CHEK2: variants seen among roughly 807,000 people sequenced by gnomAD.
CHEK2 encodes checkpoint kinase 2, also known as serine/threonine-protein kinase Chk2.
A neutral mutation model predicts 69.1 loss-of-function variants in CHEK2; 71 were observed. The observed-to-expected ratio is 1.03, with a 90% CI of 0.85 to 1.25. The LOEUF is 1.25. CHEK2 is among the 50% of genes most tolerant of loss of function. CHEK2 has a pLI of 0.00. For missense variants in CHEK2, 664 were observed against 649.6 expected (o/e 1.02, Z -0.24); for synonymous variants, 189 against 226.9 (o/e 0.83, Z 1.50).
chr22:28,721,659 G>C (rs1231865281), intron 4 of CHEK2: 2 of 456,924 alleles, frequency 4.4e-6, no homozygotes, highest in African/African-American at 4.1e-5. Flanking sequence ...ATAAATATGT[G>C]AGGTAATGCA....
chr22:28,723,601 G>GA (rs377197157), intron 4 of CHEK2, among the ~76,000 whole-genome samples: 11,567 of 48,282 alleles, frequency 0.24, 1,785 homozygotes, highest in East Asian at 0.4. Context: ...CCGTCACAAG[G>GA]AAAAAAAAAG....
intron 1 of CHEK2, among the ~76,000 whole-genome samples, chr22:28,736,118 C>A (rs2054395684): frequency 6.6e-6 from 1 of 152,048 alleles, no homozygotes; most frequent in Admixed American, 6.6e-5. Flanking sequence ...GGAGGCTAGG[C>A]TAAACTATGA....
intron 2 of CHEK2, among the ~76,000 whole-genome samples, chr22:28,727,051 T>G (rs911731781): frequency 2.0e-5 from 3 of 152,016 alleles, no homozygotes; most frequent in African/African-American, 7.3e-5. Flanking sequence ...CACTCAGCTT[T>G]CTTTCTTTGA....
rs1060502682 is a variant in CHEK2, at chr22:28,689,172, T to C, written c.1505A>G (p.Glu502Gly). ...KRKFQDLLSE[E>G]NESTALPQVL... Reference sequence around the variant, plus strand: ...CTGGGGTAGAGCTGTGGATTCATTTTCCTCAGACAGAAGATCTTGAAACTT... The same window carrying C: ...CTGGGGTAGAGCTGTGGATTCATTTCCCTCAGACAGAAGATCTTGAAACTT... Residue 502 changes from glutamate (E) to glycine (G), a missense_variant, in exon 14 of 15, where the codon GAA becomes GGA. By Grantham distance (98) the Glu-to-Gly change is moderately conservative. Coordinates refer to ENST00000404276, the MANE Select transcript of CHEK2 (RefSeq NM_007194.4). The C allele has an allele frequency of 1.9e-6, 3 of 1,595,398 alleles. No individual in the cohort carries two copies. The highest frequency in any genetic ancestry group is 1.7e-5 in the Admixed American group (1 of 59,996).
intron 10 of CHEK2, 54 bp downstream of exon 10, chr22:28,696,847 G>T: frequency 8.4e-7 from 1 of 1,195,618 alleles, no homozygotes; most frequent in Non-Finnish European, 1.2e-6. Flanking sequence ...GGAATTAAAA[G>T]TTTCTGAACA....
chr22:28,713,750 G>A (rs939648328), intron 5 of CHEK2, among the ~76,000 whole-genome samples: 3 of 151,712 alleles, frequency 2.0e-5, no homozygotes, highest in East Asian at 3.9e-4. Flanking sequence ...GCACAATCTC[G>A]GCTCACTACA....
chr22:28,731,254 T>C (rs573760813), intron 2 of CHEK2, among the ~76,000 whole-genome samples: 36 of 151,872 alleles, frequency 2.4e-4, no homozygotes, highest in African/African-American at 7.2e-4. Context: ...GAATTAAAAC[T>C]GTAAAATTTT....
At position 28,698,994 on chromosome 22, in the gene CHEK2, G is replaced by A. The variant is rs992205308; in HGVS notation, c.1008+844C>T. Among the ~76,000 whole-genome samples, 9 of 152,038 alleles carry A rather than the reference G, an allele frequency of 5.9e-5. No homozygotes were observed. In the South Asian group the frequency reaches 1.0e-3, roughly 18 times the overall value. On this transcript the variant is annotated intron_variant, in intron 9 of 14. Coordinates refer to ENST00000404276, the MANE Select transcript of CHEK2 (RefSeq NM_007194.4). The stretch of plus-strand genomic sequence containing the variant: ...AAATACCTCCAAGCTAAAGATAGGC[G>A]ACATAGGGCCATGTTATCTCTTTTT...
chr22:28,737,690 T>C (rs1055451628), intron 1 of CHEK2, among the ~76,000 whole-genome samples: 1 of 151,880 alleles, frequency 6.6e-6, no homozygotes, highest in Non-Finnish European at 1.5e-5. Context: ...GCCAGCCTGG[T>C]CTCAAACTGC....
chr22:28,706,302 A>T (rs1383591464), intron 7 of CHEK2, among the ~76,000 whole-genome samples: 5 of 95,842 alleles, frequency 5.2e-5, no homozygotes, highest in East Asian at 1.1e-3. Context: ...TCCAGCTCAC[A>T]CACACACACA....
chr22:28,711,988 AAAGCCAGCTTTAC>A lies in CHEK2; in HGVS notation c.700_712del (p.Val234SerfsTer9). 6.2e-7 allele frequency: 1 copy of A among 1,613,650 alleles called. No homozygotes were observed. Among genetic ancestry groups the A allele is most frequent in the Non-Finnish European group, 8.5e-7 (1 of 1,179,864 alleles). On this transcript the variant is annotated frameshift_variant, in exon 6 of 15. Transcript: ENST00000404276. LOFTEE classifies it high-confidence loss of function. Reference sequence around the variant, plus strand: ...TACTTTCTTACATGTTTTCCTCTCGAAAGCCAGCTTTACCTCTCCACAGGCACCACTAGAGGGA... The same window carrying A: ...TACTTTCTTACATGTTTTCCTCTCGACTCTCCACAGGCACCACTAGAGGGA...
chr22:28,741,774 G>C lies in CHEK2; in HGVS notation c.-12C>G. Reference sequence around the variant, plus strand: ...AAGTTCCCCATATGACTCACCGCGTGAGCCCACCTGGAGCCGCACACTCTC... The same window carrying C: ...AAGTTCCCCATATGACTCACCGCGTCAGCCCACCTGGAGCCGCACACTCTC... On this transcript the variant is annotated 5_prime_UTR_variant, in exon 1 of 15. Coordinates refer to ENST00000404276, the MANE Select transcript of CHEK2 (RefSeq NM_007194.4). 6 of 448,226 alleles carry C rather than the reference G, an allele frequency of 1.3e-5. No individual in the cohort carries two copies. The South Asian group carries it at 1.5e-4, about 11-fold the overall frequency. 27.8% of individuals were successfully genotyped at this position (448,226 alleles called of 1,614,324 possible).
intron 2 of CHEK2, among the ~76,000 whole-genome samples, chr22:28,732,215 G>A (rs1463322380): frequency 1.3e-5 from 2 of 151,816 alleles, no homozygotes; most frequent in Admixed American, 6.6e-5. Context: ...AGGTTCAACC[G>A]ATTCTCCTGC....
intron 14 of CHEK2, among the ~76,000 whole-genome samples, 158 bp downstream of exon 14, chr22:28,688,977 G>C (rs545012469): frequency 5.9e-5 from 9 of 152,178 alleles, no homozygotes; most frequent in Non-Finnish European, 1.0e-4. Context: ...TAAATCTAAG[G>C]GTGCTGGAGC....
At chr22:28,709,921 T>C (rs2053320600) in intron 7 of CHEK2, 85 bp downstream of exon 7, 2 of 834,640 alleles carry the variant, frequency 2.4e-6, no homozygotes, top group South Asian at 2.9e-5. Context: ...TGGCCAATAT[T>C]ATCTTTATTA....
chr22:28,730,531 C>T (rs1017723820), intron 2 of CHEK2: 5 of 696,842 alleles, frequency 7.2e-6, no homozygotes, highest in African/African-American at 7.1e-5. Context: ...GATTGGGTAA[C>T]ATGGCCAGAC....
At chr22:28,700,578 G>T (rs1695835422) in intron 8 of CHEK2, among the ~76,000 whole-genome samples, 2 of 152,112 alleles carry the variant, frequency 1.3e-5, no homozygotes, top group Non-Finnish European at 2.9e-5. Context: ...AGAGCAAACA[G>T]AATTTTACAA....
Position 28,734,299 on chromosome 22 carries a change from C to T in CHEK2, c.319+104G>A. On this transcript the variant is annotated intron_variant, in intron 2 of 14. Coordinates refer to ENST00000404276, the MANE Select transcript of CHEK2 (RefSeq NM_007194.4). ...GATGTTCAATTATTTGTTCAACGTGCCAAAAACCTGGACAACTCCAATCAG... is the reference window on the plus strand; with the variant it reads ...GATGTTCAATTATTTGTTCAACGTGTCAAAAACCTGGACAACTCCAATCAG... 2.7e-6 allele frequency: 3 copies of T among 1,103,782 alleles called. No individual in the cohort carries two copies. The South Asian group carries it at 4.1e-5, about 15-fold the overall frequency. 68.4% of individuals were successfully genotyped at this position (1,103,782 alleles called of 1,614,324 possible). A position where few individuals can be genotyped will look rare whatever the true frequency, so the allele number is the denominator to read the frequency against.
rs1233699096 is a variant in CHEK2 at position 28,703,505 on chromosome 22, A to T, written c.908T>A (p.Leu303Ter). ...AATTTTTAAAAAGTTTACTACTTAC[A>T]ATTCCAAAACAATATAATAATCTTC... Reference protein sequence around the residue: ...DAEDYYIVLELMEGGELFDKV... With the variant: ...DAEDYYIVLE The change falls in exon 8 of 15, where the codon TTG becomes TAG. Residue 303 changes from leucine to a stop codon, truncating the protein, a stop_gained and splice_region_variant. Coordinates refer to ENST00000404276, the MANE Select transcript of CHEK2 (RefSeq NM_007194.4). LOFTEE classifies it high-confidence loss of function. The T allele has an allele frequency of 7.0e-7, 1 of 1,420,474 alleles. No homozygotes were observed. The highest frequency in any genetic ancestry group is 1.2e-5 in the South Asian group (1 of 83,662). The allele number at this position is 1,420,474 out of a possible 1,614,324, so 88.0% of individuals were successfully genotyped here.
Sources: allele counts gnomAD v4.1 joint callset (sites outside exome capture counted in the v4.1 genomes callset), GRCh38; gene constraint gnomAD v4.1.1; transcripts MANE v1.5; gene names NCBI Gene and HGNC (gene_info 2026-07-23, HGNC 2026-07-21).